Variants in PAPOLA observed in about 807,000 individuals in gnomAD.
PAPOLA encodes polynucleotide adenylyltransferase alpha.
PAPOLA carries 15 observed loss-of-function variants against 100.6 expected under a neutral mutation model. The observed-to-expected ratio is 0.15, with a 90% CI of 0.10 to 0.23. The LOEUF is 0.23. Among genes scored for constraint, PAPOLA ranks in the 10% least tolerant of loss-of-function variants. The pLI is 1.00. For missense variants in PAPOLA, 533 were observed against 884.2 expected, an observed-to-expected ratio of 0.60 and a Z score of 5.04; for synonymous variants, 293 against 300.0, an observed-to-expected ratio of 0.98 and a Z score of 0.24.
intron 14 of PAPOLA, among the ~76,000 whole-genome samples, chr14:96,543,448 T>C (rs1464292192): frequency 6.6e-6 from 1 of 152,056 alleles, no homozygotes; most frequent in Non-Finnish European, 1.5e-5. Context: ...CTTTGTTGCA[T>C]TGGAGAATTG....
chr14:96,527,458 A>G lies in PAPOLA; in HGVS notation c.360A>G (p.Ala120=), dbSNP rs764225679. The G allele has an allele frequency of 6.2e-7, 1 of 1,612,446 alleles. No individual in the cohort carries two copies. Among genetic ancestry groups the G allele is most frequent in the Non-Finnish European group, 8.5e-7 (1 of 1,178,552 alleles). Residue 120 remains alanine, a synonymous_variant, in exon 5 of 22, where the codon GCA becomes GCG. Transcript: ENST00000216277. ...CTGATATTGATGCGTTGTGTGTTGC[A>G]CCAAGACATGTTGATCGAAGTGACT... ...KGADIDALCV[A]PRHVDRSDFF... is the part of the protein sequence containing the mutation.
intron 4 of PAPOLA, 188 bp from the exon 5 acceptor site, chr14:96,527,242 A>G (rs1326618472): frequency 1.7e-6 from 1 of 572,334 alleles, no homozygotes; most frequent in African/African-American, 1.9e-5. Flanking sequence ...TGCAGGATCA[A>G]AATATACCAC....
At position 96,532,323 on chromosome 14, in the gene PAPOLA, T is replaced by A; in HGVS notation, c.608-8T>A. The A allele has an allele frequency of 2.5e-6, 4 of 1,601,980 alleles. No individual in the cohort carries two copies. Among genetic ancestry groups the A allele is most frequent in the Non-Finnish European group, 3.4e-6 (4 of 1,176,150 alleles). On this transcript the variant is annotated splice_polypyrimidine_tract_variant and splice_region_variant and intron_variant, in intron 7 of 21. Coordinates refer to ENST00000216277, the MANE Select transcript of PAPOLA (RefSeq NM_032632.5). ...GTGTGTGTGTTTTTTTTTACCCCTA[T>A]TAATTAGGTTGCAGGGTAACCGATG... is the stretch of plus-strand genomic sequence containing the variant.
intron 1 of PAPOLA, among the ~76,000 whole-genome samples, chr14:96,516,831 C>T (rs1055323819): frequency 3.9e-5 from 6 of 152,220 alleles, no homozygotes; most frequent in Admixed American, 6.5e-5. Context: ...AAGTCTTGTG[C>T]GCGTTTAGAA....
chr14:96,556,462 T>A, intron 19 of PAPOLA, 49 bp downstream of exon 19: 1 of 1,174,634 alleles, frequency 8.5e-7, no homozygotes, highest in Non-Finnish European at 1.3e-6. Flanking sequence ...ACCAACTGCC[T>A]ATTTTTAAAT....
chr14:96,539,157 GTGAATACT>G (rs1899773541), intron 12 of PAPOLA, among the ~76,000 whole-genome samples: 1 of 152,042 alleles, frequency 6.6e-6, no homozygotes, highest in Admixed American at 6.5e-5. Context: ...ATTAGGAAAT[GTGAATACT>G]TACTTCAGTT....
intron 10 of PAPOLA, 112 bp downstream of exon 10, chr14:96,534,675 C>T (rs931763854): frequency 2.1e-5 from 33 of 1,544,782 alleles, no homozygotes; most frequent in South Asian, 2.0e-4. Context: ...TGGTCATGTC[C>T]GTATTACACT....
rs1426723815 is a variant in PAPOLA, at chr14:96,532,310, T to G, written c.608-21T>G. The G allele has an allele frequency of 6.3e-6, 10 of 1,591,880 alleles. No homozygotes were observed. In the East Asian group the frequency reaches 1.3e-4, roughly 21 times the overall value. On this transcript the variant is annotated intron_variant, in intron 7 of 21. Transcript: ENST00000216277. ...TGTGTGTGTGTGTGTGTGTGTGTTT[T>G]TTTTTACCCCTATTAATTAGGTTGC...
At chr14:96,522,087 G>A (rs190140168) in intron 3 of PAPOLA, among the ~76,000 whole-genome samples, 1 of 147,588 alleles carries the variant, frequency 6.8e-6, no homozygotes, top group East Asian at 2.0e-4. Context: ...ATAGGCATGA[G>A]CCACTGCATC....
Position 96,502,530 on chromosome 14 carries a change from C to A in PAPOLA, c.-63C>A. 7.2e-7 allele frequency: 1 copy of A among 1,379,652 alleles called. No individual in the cohort carries two copies. The highest frequency in any genetic ancestry group is 1.0e-6 in the Non-Finnish European group (1 of 998,642). The allele number at this position is 1,379,652 out of a possible 1,614,324, so 85.5% of individuals were successfully genotyped here. On this transcript the variant is annotated 5_prime_UTR_variant, in exon 1 of 22. Transcript: ENST00000216277. ...TCCCTCCCGCCTCAGTGGATCATGC[C>A]CAGGGCGGCAGCGGCGGCGGTTGCG...
intron 17 of PAPOLA, among the ~76,000 whole-genome samples, chr14:96,554,247 T>C (rs888140699): frequency 6.6e-6 from 1 of 152,276 alleles, no homozygotes; most frequent in Non-Finnish European, 1.5e-5. Flanking sequence ...GTGTTTATTA[T>C]GTACTAGGCA....
chr14:96,522,127 T>C (rs1270381422), intron 3 of PAPOLA, among the ~76,000 whole-genome samples: 2 of 135,170 alleles, frequency 1.5e-5, no homozygotes, highest in African/African-American at 5.5e-5. Flanking sequence ...TTTTTTTTTT[T>C]TTTTTTTTTT....
intron 9 of PAPOLA, 89 bp downstream of exon 9, chr14:96,532,738 A>G: frequency 1.4e-6 from 2 of 1,447,082 alleles, no homozygotes; most frequent in South Asian, 1.6e-5. Context: ...TTGGTTTCAG[A>G]TTCAAATTTT....
Position 96,556,356 on chromosome 14 carries a change from C to G in PAPOLA, c.1947C>G (p.Val649=). The G allele has an allele frequency of 6.2e-7, 1 of 1,613,642 alleles. No homozygotes were observed. The highest frequency in any genetic ancestry group is 8.5e-7 in the Non-Finnish European group (1 of 1,179,664). Residue 649 remains valine (V), a synonymous_variant, in exon 19 of 22, where the codon GTC becomes GTG. Coordinates refer to ENST00000216277, the MANE Select transcript of PAPOLA (RefSeq NM_032632.5). ...ATKIPTPIVG[V]KRTSSPHKEE... ...AAATACCTACTCCTATAGTAGGAGT[C>G]AAGAGGACATCCTCACCTCATAAAG...
intron 2 of PAPOLA, among the ~76,000 whole-genome samples, 183 bp downstream of exon 2, chr14:96,520,411 C>T (rs1385828675): frequency 7.2e-5 from 11 of 152,186 alleles, no homozygotes; most frequent in African/African-American, 1.4e-4. Flanking sequence ...GAGTCTTGCT[C>T]GTTACCCAGG....
intron 3 of PAPOLA, among the ~76,000 whole-genome samples, chr14:96,523,408 AAC>A (rs1898178206): frequency 6.6e-6 from 1 of 152,244 alleles, no homozygotes; most frequent in African/African-American, 2.4e-5. Flanking sequence ...CAAAAGTGAT[AAC>A]AGTGACAGAA....
At chr14:96,535,638 C>G (rs1899456802) in intron 10 of PAPOLA, 1 of 1,038,392 alleles carries the variant, frequency 9.6e-7, no homozygotes, top group Non-Finnish European at 1.2e-6. Context: ...GTTCAGCAGG[C>G]ACACTTTCTA....
chr14:96,503,496 C>T (rs563254076), intron 1 of PAPOLA, among the ~76,000 whole-genome samples: 2 of 151,958 alleles, frequency 1.3e-5, no homozygotes, highest in Non-Finnish European at 2.9e-5. Flanking sequence ...TTTGGCAGCT[C>T]ATTGCCAGTA....
chr14:96,561,920 A>T (rs1901880771), intron 20 of PAPOLA, among the ~76,000 whole-genome samples: 1 of 145,952 alleles, frequency 6.9e-6, no homozygotes, highest in African/African-American at 2.6e-5. Context: ...TTTGAGATGG[A>T]GTCTTGCTCT....
Sources: allele counts gnomAD v4.1 joint callset (sites outside exome capture counted in the v4.1 genomes callset), GRCh38; gene constraint gnomAD v4.1.1; transcripts MANE v1.5; gene names NCBI Gene and HGNC (gene_info 2026-07-23, HGNC 2026-07-21).